The following BNC2 variants were observed in gnomAD, a reference collection of about 807,000 sequenced individuals.
The protein encoded by BNC2 is basonuclin zinc finger protein 2, also known as zinc finger protein basonuclin-2.
Under a neutral mutation model 76.3 loss-of-function variants are expected in BNC2, and 20 were observed. That is an observed-to-expected ratio of 0.26 (90% CI 0.18 to 0.38). The LOEUF (loss-of-function observed/expected upper bound fraction) is 0.38. Among genes scored for constraint, BNC2 ranks in the 10% least tolerant of loss-of-function variants. The probability of loss-of-function intolerance (pLI) is 1.00; values close to 1 mark genes in which losing one functional copy is unlikely to be tolerated. For synonymous variants in BNC2, 582 were observed against 514.8 expected (o/e 1.13, Z -1.77); for missense variants, 1,382 against 1,399.8 (o/e 0.99, Z 0.20).
chr9:16,770,873 A>G (rs1328506701), intron 1 of BNC2, among the ~76,000 whole-genome samples: 1 of 151,984 alleles, frequency 6.6e-6, no homozygotes, highest in African/African-American at 2.4e-5. Context: ...ACCCTGTCAC[A>G]AAAAGAAAAG....
intron 4 of BNC2, among the ~76,000 whole-genome samples, chr9:16,557,181 G>T (rs1459724016): frequency 2.6e-5 from 4 of 152,046 alleles, no homozygotes; most frequent in Non-Finnish European, 5.9e-5. Context: ...CTGCTGATGT[G>T]TCCCATACCA....
chr9:16,616,797 A>AAGGG (rs1318842679), intron 3 of BNC2, among the ~76,000 whole-genome samples: 2 of 144,710 alleles, frequency 1.4e-5, no homozygotes, highest in Non-Finnish European at 3.0e-5. Context: ...GGAGGGAAGG[A>AAGGG]AGGAAGGAAG....
At chr9:16,776,336 C>T (rs1391249809) in intron 1 of BNC2, among the ~76,000 whole-genome samples, 1 of 152,074 alleles carries the variant, frequency 6.6e-6, no homozygotes, top group Non-Finnish European at 1.5e-5. Flanking sequence ...GACGGGGTTT[C>T]ACCATGTTGC....
chr9:16,705,594 G>C (rs1265429263), intron 3 of BNC2, among the ~76,000 whole-genome samples: 1 of 152,004 alleles, frequency 6.6e-6, no homozygotes, highest in Non-Finnish European at 1.5e-5. Context: ...TGCTACTATT[G>C]AAAGTCTTCT....
chr9:16,810,781 A>G (rs1260123266), intron 1 of BNC2, among the ~76,000 whole-genome samples: 1 of 152,228 alleles, frequency 6.6e-6, no homozygotes, highest in African/African-American at 2.4e-5. Context: ...ACCCTACCTC[A>G]GAGTTCCATG....
intron 3 of BNC2, among the ~76,000 whole-genome samples, chr9:16,628,614 C>A (rs986913013): frequency 6.6e-6 from 1 of 152,272 alleles, no homozygotes; most frequent in South Asian, 2.1e-4. Context: ...TGCATGCGAA[C>A]ACACACAAAC....
chr9:16,480,958 C>T (rs546853555), intron 5 of BNC2, among the ~76,000 whole-genome samples: 2 of 152,330 alleles, frequency 1.3e-5, no homozygotes, highest in African/African-American at 4.8e-5. Flanking sequence ...CTGGGTGAAG[C>T]CAGCTGGGCT....
chr9:16,764,306 A>G (rs999134325), intron 1 of BNC2, among the ~76,000 whole-genome samples: 1 of 152,178 alleles, frequency 6.6e-6, no homozygotes, highest in East Asian at 1.9e-4. Context: ...TAAGAAACAG[A>G]GTCTATGCAC....
intron 5 of BNC2, among the ~76,000 whole-genome samples, chr9:16,550,786 C>A (rs1490714999): frequency 5.9e-5 from 9 of 152,038 alleles, no homozygotes; most frequent in South Asian, 4.1e-4. Context: ...CAGATTGGGG[C>A]AAAACACTTG....
intron 5 of BNC2, among the ~76,000 whole-genome samples, chr9:16,520,641 T>C (rs1025046565): frequency 1.3e-5 from 2 of 151,916 alleles, no homozygotes; most frequent in Non-Finnish European, 2.9e-5. Flanking sequence ...ACTCCTTTCA[T>C]CCCAGCAGCC....
chr9:16,617,170 C>A (rs868345498), intron 3 of BNC2, among the ~76,000 whole-genome samples: 3 of 152,192 alleles, frequency 2.0e-5, no homozygotes, highest in South Asian at 2.1e-4. Flanking sequence ...ACTGTCAAGT[C>A]CACTTTAACC....
chr9:16,633,869 A>G (rs1464647425), intron 3 of BNC2, among the ~76,000 whole-genome samples: 3 of 152,238 alleles, frequency 2.0e-5, no homozygotes, highest in African/African-American at 4.8e-5. Context: ...AACATACCCC[A>G]ACAGGTAAGT....
At chr9:16,672,215 T>C (rs1224118368) in intron 3 of BNC2, among the ~76,000 whole-genome samples, 1 of 152,134 alleles carries the variant, frequency 6.6e-6, no homozygotes, top group Non-Finnish European at 1.5e-5. Context: ...TGTTTAACAT[T>C]GGCCGGACGC....
At chr9:16,427,515 A>T (rs748182459) in intron 6 of BNC2, among the ~76,000 whole-genome samples, 1 of 152,214 alleles carries the variant, frequency 6.6e-6, no homozygotes, top group Non-Finnish European at 1.5e-5. Flanking sequence ...TATGTCTTAA[A>T]CATTTTGCAG....
At chr9:16,718,759 C>T (rs1219366233) in intron 3 of BNC2, among the ~76,000 whole-genome samples, 1 of 152,174 alleles carries the variant, frequency 6.6e-6, no homozygotes, top group Non-Finnish European at 1.5e-5. Flanking sequence ...ATGGAGAATG[C>T]CTCTTTGGGG....
chr9:16,711,921 G>A (rs1823863480), intron 3 of BNC2, among the ~76,000 whole-genome samples: 2 of 152,194 alleles, frequency 1.3e-5, no homozygotes, highest in African/African-American at 4.8e-5. Context: ...CACCCAATCT[G>A]ATTAGGACAA....
At chr9:16,713,662 A>C (rs1823913796) in intron 3 of BNC2, among the ~76,000 whole-genome samples, 1 of 152,122 alleles carries the variant, frequency 6.6e-6, no homozygotes, top group Non-Finnish European at 1.5e-5. Context: ...TAACAGCTCC[A>C]GGGTATTTAG....
At chr9:16,813,586 T>C (rs962097598) in intron 1 of BNC2, among the ~76,000 whole-genome samples, 3 of 152,090 alleles carry the variant, frequency 2.0e-5, no homozygotes, top group African/African-American at 4.8e-5. Context: ...ATTTTTAGAG[T>C]CTTAAAAATC....
intron 4 of BNC2, among the ~76,000 whole-genome samples, chr9:16,557,106 A>T (rs1165387457): frequency 6.6e-6 from 1 of 152,086 alleles, no homozygotes; most frequent in Non-Finnish European, 1.5e-5. Context: ...TAGGTCAAGA[A>T]CTCATTTATC....
Sources: allele counts gnomAD v4.1 joint callset (sites outside exome capture counted in the v4.1 genomes callset), GRCh38; gene constraint gnomAD v4.1.1; transcripts MANE v1.5; gene names NCBI Gene and HGNC (gene_info 2026-07-23, HGNC 2026-07-21).